Variants in CNOT6 observed in about 807,000 individuals in gnomAD.
The protein encoded by CNOT6 is CCR4-NOT transcription complex subunit 6, also known as carbon catabolite repression 4 protein.
A neutral mutation model predicts 61.2 loss-of-function variants in CNOT6; 12 were observed. The ratio of observed to expected loss-of-function variants is 0.20; its 90% CI spans 0.13 to 0.32. The LOEUF (loss-of-function observed/expected upper bound fraction) is 0.32, where lower values mean the gene tolerates loss of function less well. CNOT6 is among the 10% of genes least tolerant of loss of function. The probability of loss-of-function intolerance (pLI) is 1.00; values close to 1 mark genes in which losing one functional copy is unlikely to be tolerated. For synonymous variants in CNOT6, 225 were observed against 240.6 expected (o/e 0.94, Z 0.60); for missense variants, 405 against 663.9 (o/e 0.61, Z 4.28).
intron 1 of CNOT6, among the ~76,000 whole-genome samples, chr5:180,516,447 TG>T (rs1380227619): frequency 2.0e-5 from 3 of 152,140 alleles, no homozygotes; most frequent in Non-Finnish European, 4.4e-5. Flanking sequence ...CCCAAAATGC[TG>T]GGATTACAGA....
chr5:180,565,851 T>C lies in CNOT6; in HGVS notation c.591T>C (p.Leu197=). The change falls in exon 7 of 12, where the codon CTT becomes CTC. Residue 197 remains leucine, a synonymous_variant. Coordinates refer to ENST00000261951, the MANE Select transcript of CNOT6 (RefSeq NM_001370472.1). Reference sequence around the variant, plus strand: ...TTTCTGTCATGTGCTATAATGTTCTTTGTGATAAATATGCGACCCGGCAGT... The same window carrying C: ...TTTCTGTCATGTGCTATAATGTTCTCTGTGATAAATATGCGACCCGGCAGT... ...ALFSVMCYNV[L]CDKYATRQLY... 4.3e-6 allele frequency: 7 copies of C among 1,612,606 alleles called. No homozygotes were observed. The highest frequency in any genetic ancestry group is 5.9e-6 in the Non-Finnish European group (7 of 1,178,846).
chr5:180,552,377 A>T (rs945336921), intron 3 of CNOT6, among the ~76,000 whole-genome samples: 1 of 150,344 alleles, frequency 6.7e-6, no homozygotes, highest in South Asian at 2.1e-4. Flanking sequence ...CGATGGCTCA[A>T]GCCTATAATC....
At chr5:180,510,519 A>G (rs1222292266) in intron 1 of CNOT6, among the ~76,000 whole-genome samples, 1 of 152,126 alleles carries the variant, frequency 6.6e-6, no homozygotes, top group Non-Finnish European at 1.5e-5. Context: ...CATATTTTTA[A>G]TTTGTAGAAT....
chr5:180,520,275 TA>T (rs1161375299), intron 1 of CNOT6, among the ~76,000 whole-genome samples: 5 of 149,836 alleles, frequency 3.3e-5, no homozygotes, highest in African/African-American at 4.9e-5. Flanking sequence ...TAAGAGTTTT[TA>T]GATGAACATC....
intron 1 of CNOT6, among the ~76,000 whole-genome samples, chr5:180,510,166 T>C (rs1243931395): frequency 1.1e-5 from 1 of 88,410 alleles, no homozygotes; most frequent in Non-Finnish European, 2.6e-5. Flanking sequence ...TTTTTTTTTT[T>C]TTTAAGAGAT....
chr5:180,500,086 C>G (rs1280091059), intron 1 of CNOT6, among the ~76,000 whole-genome samples: 2 of 144,152 alleles, frequency 1.4e-5, no homozygotes, highest in Non-Finnish European at 3.1e-5. Flanking sequence ...AACAAATTCA[C>G]CTTTTCTTTT....
At chr5:180,544,462 T>C (rs961113466) in intron 2 of CNOT6, among the ~76,000 whole-genome samples, 5 of 152,206 alleles carry the variant, frequency 3.3e-5, no homozygotes, top group Admixed American at 3.3e-4. Flanking sequence ...TATTCCAGAA[T>C]CGTGTGTGTG....
At chr5:180,503,057 A>G (rs1381388954) in intron 1 of CNOT6, among the ~76,000 whole-genome samples, 2 of 152,164 alleles carry the variant, frequency 1.3e-5, no homozygotes, top group African/African-American at 4.8e-5. Context: ...AGGGGTTCAT[A>G]GCCACTGAAG....
In CNOT6 at chr5:180,564,763, T is replaced by G; in HGVS notation, c.559+20T>G. ...CAACTGGTTGGTAGTCTTTTATTTTTTAACTGTTATTTTTGCTCAGTCTCT... is the reference window on the plus strand; with the variant it reads ...CAACTGGTTGGTAGTCTTTTATTTTGTAACTGTTATTTTTGCTCAGTCTCT... On this transcript the variant is annotated intron_variant, in intron 6 of 11. Coordinates refer to ENST00000261951, the MANE Select transcript of CNOT6 (RefSeq NM_001370472.1). 1 of 1,580,816 alleles carries G rather than the reference T, an allele frequency of 6.3e-7. No individual in the cohort carries two copies.
At chr5:180,563,469 C>T (rs908443806) in intron 4 of CNOT6, among the ~76,000 whole-genome samples, 1 of 151,960 alleles carries the variant, frequency 6.6e-6, no homozygotes, top group Admixed American at 6.6e-5. Flanking sequence ...GTCTCGATCT[C>T]CTAACCTCGT....
intron 1 of CNOT6, among the ~76,000 whole-genome samples, chr5:180,497,438 G>A (rs1304771489): frequency 6.6e-6 from 1 of 151,940 alleles, no homozygotes; most frequent in East Asian, 1.9e-4. Context: ...CAACAGAAAA[G>A]GATAATATAT....
intron 4 of CNOT6, among the ~76,000 whole-genome samples, chr5:180,563,350 G>A (rs1296037516): frequency 6.6e-6 from 1 of 151,932 alleles, no homozygotes; most frequent in East Asian, 1.9e-4. Context: ...TGAGTAGCTG[G>A]ACTACAGGCG....
intron 1 of CNOT6, among the ~76,000 whole-genome samples, chr5:180,520,084 T>C (rs1327696009): frequency 6.6e-6 from 1 of 152,086 alleles, no homozygotes; most frequent in African/African-American, 2.4e-5. Flanking sequence ...TCTGCCTGCC[T>C]CTGCCTGCCA....
intron 1 of CNOT6, among the ~76,000 whole-genome samples, chr5:180,524,545 T>C (rs1455986066): frequency 6.6e-6 from 1 of 152,144 alleles, no homozygotes; most frequent in Non-Finnish European, 1.5e-5. Flanking sequence ...ATGAGTACTT[T>C]AAATTTTAAG....
chr5:180,542,138 T>G (rs745476782), intron 2 of CNOT6, among the ~76,000 whole-genome samples: 2 of 152,210 alleles, frequency 1.3e-5, no homozygotes, highest in Non-Finnish European at 2.9e-5. Flanking sequence ...GCCATTACTC[T>G]TTTAAGCAGT....
chr5:180,541,188 G>A (rs558885116), intron 2 of CNOT6, among the ~76,000 whole-genome samples: 1 of 151,090 alleles, frequency 6.6e-6, no homozygotes, highest in South Asian at 2.1e-4. Flanking sequence ...GCCCAGGCTG[G>A]AGTGCAATGG....
At chr5:180,510,599 A>G (rs1653002557) in intron 1 of CNOT6, among the ~76,000 whole-genome samples, 8 of 152,240 alleles carry the variant, frequency 5.3e-5, no homozygotes, top group Admixed American at 5.2e-4. Context: ...CATCTCAGTC[A>G]TAATTGTAAT....
chr5:180,567,107 A>T lies in CNOT6; in HGVS notation c.737A>T (p.Tyr246Phe). Reference protein sequence around the residue: ...VSLQEVETEQYYSFFLVELKE... With the variant: ...VSLQEVETEQFYSFFLVELKE... The stretch of plus-strand genomic sequence containing the variant: ...TTTCAGGAGGTTGAAACGGAACAGT[A>T]TTACAGTTTTTTTCTGGTAGAGCTG... Residue 246 changes from tyrosine to phenylalanine, a missense_variant, in exon 8 of 12, where the codon TAT (tyrosine) becomes TTT (phenylalanine). Around this residue, in one of 5 missense-constraint regions of CNOT6, gnomAD observed 212 missense variants for 307.1 expected, o/e 0.69. Coordinates refer to ENST00000261951, the MANE Select transcript of CNOT6 (RefSeq NM_001370472.1). 6.2e-7 allele frequency: 1 copy of T among 1,612,918 alleles called. No individual in the cohort carries two copies. The highest frequency in any genetic ancestry group is 1.7e-5 in the Admixed American group (1 of 59,648).
Position 180,577,446 on chromosome 5 carries a change from A to C in CNOT6, c.*3246A>C, listed in dbSNP as rs193182970. 1 of 152,774 alleles carries C rather than the reference A, an allele frequency of 6.5e-6. No individual in the cohort carries two copies. Among genetic ancestry groups the C allele is most frequent in the African/African-American group, 2.4e-5 (1 of 41,562 alleles). The allele number at this position is 152,774 out of a possible 1,614,324, so 9.5% of individuals were successfully genotyped here. ...GGGGTCATATATAAGGACTAAAGCC[A>C]AGCTAGGCAAAACAATGACAGCACC... On this transcript the variant is annotated 3_prime_UTR_variant, in exon 12 of 12. Coordinates refer to ENST00000261951, the MANE Select transcript of CNOT6 (RefSeq NM_001370472.1).
Sources: allele counts gnomAD v4.1 joint callset (sites outside exome capture counted in the v4.1 genomes callset), GRCh38; gene constraint gnomAD v4.1.1; regional missense constraint gnomAD v4.1.1; transcripts MANE v1.5; gene names NCBI Gene and HGNC (gene_info 2026-07-23, HGNC 2026-07-21).